The following XK variants were observed in gnomAD, a reference collection of about 807,000 sequenced individuals.
XK encodes X-linked Kx blood group antigen, Kell and VPS13A binding protein.
XK carries 2 observed loss-of-function variants against 14.0 expected under a neutral mutation model. The observed-to-expected ratio is 0.14, with a 90% CI of 0.06 to 0.45. The LOEUF (loss-of-function observed/expected upper bound fraction) is 0.45, where lower values mean the gene tolerates loss of function less well. Ranked by LOEUF, XK falls within the 20% of genes least tolerant of loss-of-function variation. The pLI is 0.98. For synonymous variants in XK, 149 were observed against 147.5 expected, an observed-to-expected ratio of 1.01 and a Z score of -0.08; for missense variants, 235 against 341.5, an observed-to-expected ratio of 0.69 and a Z score of 2.46.
At chrX:37,698,597 A>G (rs1238030969) in intron 2 of XK, among the ~76,000 whole-genome samples, 1 of 105,705 alleles carries the variant, frequency 9.5e-6, no homozygotes, top group Non-Finnish European at 1.9e-5. Context: ...TTATAGTCAG[A>G]TAGAGGAGCC....
chrX:37,700,223 G>C (rs1027686315), intron 2 of XK, among the ~76,000 whole-genome samples: 7 of 111,407 alleles, frequency 6.3e-5, no homozygotes, highest in African/African-American at 2.3e-4. Context: ...ACATAGAGAG[G>C]GCCATGCACA....
At chrX:37,688,146 C>G (rs1378962233) in intron 1 of XK, among the ~76,000 whole-genome samples, 1 of 104,496 alleles carries the variant, frequency 9.6e-6, no homozygotes, top group Admixed American at 1.0e-4. Flanking sequence ...CTGCAAGCTC[C>G]GCTTCCCAGG....
At chrX:37,689,474 A>G (rs1196334311) in intron 1 of XK, among the ~76,000 whole-genome samples, 3 of 112,312 alleles carry the variant, frequency 2.7e-5, no homozygotes, top group Non-Finnish European at 5.6e-5. Context: ...TTGACAGTTT[A>G]ACTCTTCTTG....
chrX:37,689,702 G>A (rs782629671), intron 1 of XK, among the ~76,000 whole-genome samples: 13 of 112,028 alleles, frequency 1.2e-4, no homozygotes, highest in Admixed American at 1.9e-4. Context: ...GGTAGTTACA[G>A]TTTTTATGAT....
intron 1 of XK, among the ~76,000 whole-genome samples, chrX:37,688,313 G>A (rs1927138070): frequency 9.0e-6 from 1 of 110,572 alleles, no homozygotes; most frequent in South Asian, 3.8e-4. Flanking sequence ...TGATCCGCCT[G>A]CCTCGGCCTC....
intron 2 of XK, among the ~76,000 whole-genome samples, chrX:37,726,084 A>T (rs182017334): frequency 1.8e-5 from 2 of 111,332 alleles, no homozygotes; most frequent in East Asian, 5.7e-4. Flanking sequence ...AGGATGTACA[A>T]TGCCAAGAGT....
chrX:37,714,383 T>C (rs1356778445), intron 2 of XK, among the ~76,000 whole-genome samples: 2 of 110,626 alleles, frequency 1.8e-5, no homozygotes, highest in African/African-American at 3.3e-5. Flanking sequence ...GCCCATGTGC[T>C]GAATATATTA....
intron 2 of XK, among the ~76,000 whole-genome samples, chrX:37,709,824 C>T (rs1395927059): frequency 9.0e-6 from 1 of 111,630 alleles, no homozygotes; most frequent in East Asian, 2.8e-4. Context: ...GGTAGGAAAA[C>T]ATTACACACT....
At position 37,707,626 on chromosome X, in the gene XK, G is replaced by A. The variant is rs782544622; in HGVS notation, c.508+13078G>A. On this transcript the variant is annotated intron_variant, in intron 2 of 2. Coordinates refer to ENST00000378616, the MANE Select transcript of XK (RefSeq NM_021083.4). Reference sequence around the variant, plus strand: ...TCAGACGGGGCAGCGGGGCAGAGCCGCTCCCCACATCTCAGACAATGGGCG... The same window carrying A: ...TCAGACGGGGCAGCGGGGCAGAGCCACTCCCCACATCTCAGACAATGGGCG... Among the ~76,000 whole-genome samples, 247 of 109,854 alleles carry A rather than the reference G, an allele frequency of 2.2e-3. 1 individual carries two copies. The highest frequency in any genetic ancestry group is 3.9e-3 in the Non-Finnish European group (202 of 52,387).
chrX:37,698,590 T>C (rs1201641208), intron 2 of XK, among the ~76,000 whole-genome samples: 1 of 101,066 alleles, frequency 9.9e-6, no homozygotes, highest in Non-Finnish European at 2.0e-5. Flanking sequence ...ATTGTACTTA[T>C]AGTCAGATAG....
At chrX:37,727,028 A>G (rs952582205) in intron 2 of XK, among the ~76,000 whole-genome samples, 15 of 112,035 alleles carry the variant, frequency 1.3e-4, no homozygotes, top group African/African-American at 4.5e-4. Context: ...TTAGAAGCCA[A>G]TTGAGGAAAC....
intron 1 of XK, among the ~76,000 whole-genome samples, chrX:37,693,419 C>T (rs189004366): frequency 9.9e-5 from 11 of 110,587 alleles, no homozygotes; most frequent in South Asian, 7.8e-4. Context: ...CCCAAGTACT[C>T]ACCACCTAGA....
At chrX:37,688,713 A>G (rs1199469616) in intron 1 of XK, among the ~76,000 whole-genome samples, 4 of 111,893 alleles carry the variant, frequency 3.6e-5, no homozygotes, top group African/African-American at 1.3e-4. Context: ...AATAAATGAT[A>G]ATACCCTATC....
At chrX:37,715,644 T>C (rs1269823151) in intron 2 of XK, among the ~76,000 whole-genome samples, 1 of 111,613 alleles carries the variant, frequency 9.0e-6, no homozygotes, top group Non-Finnish European at 1.9e-5. Context: ...TTGGATGCCC[T>C]GGTACTTTTT....
At chrX:37,717,377 C>T (rs1239996268) in intron 2 of XK, among the ~76,000 whole-genome samples, 1 of 112,006 alleles carries the variant, frequency 8.9e-6, no homozygotes, top group Non-Finnish European at 1.9e-5. Context: ...TCTATGTCTC[C>T]ACTTTCTCAT....
intron 2 of XK, among the ~76,000 whole-genome samples, chrX:37,722,381 G>A (rs782373591): frequency 9.0e-6 from 1 of 111,414 alleles, no homozygotes; most frequent in African/African-American, 3.2e-5. Flanking sequence ...AATTTAGAAG[G>A]GAAAGATGAT....
At chrX:37,696,819 G>C (rs943999751) in intron 2 of XK, among the ~76,000 whole-genome samples, 3 of 112,156 alleles carry the variant, frequency 2.7e-5, no homozygotes, top group African/African-American at 9.7e-5. Flanking sequence ...CCTTTTGCTT[G>C]GGTTGCTACT....
rs782133310 is a variant in XK, at chrX:37,711,945, A to G, written c.509-15691A>G. On this transcript the variant is annotated intron_variant, in intron 2 of 2. Transcript: ENST00000378616. ...AGTGGGAAAATAGAGGATTTATTTC[A>G]CTGGAGGGTTTGGTAAAAATTAAAA... Among the ~76,000 whole-genome samples the G allele has an allele frequency of 2.7e-5, 3 of 111,212 alleles. No individual in the cohort carries two copies. The East Asian group carries it at 8.5e-4, about 32-fold the overall frequency.
At chrX:37,723,280 G>A (rs1277923853) in intron 2 of XK, among the ~76,000 whole-genome samples, 1 of 111,280 alleles carries the variant, frequency 9.0e-6, no homozygotes, top group African/African-American at 3.3e-5. Flanking sequence ...CTCCATTTAA[G>A]TCTGAATCAG....
Sources: gnomAD v4.1 joint callset for allele counts (sites outside exome capture counted in the v4.1 genomes callset) on GRCh38, gnomAD v4.1.1 for gene constraint, MANE v1.5 for transcripts, NCBI Gene and HGNC (gene_info 2026-07-23, HGNC 2026-07-21) for gene names.